P3H2: variants seen among roughly 807,000 people sequenced by gnomAD.
The protein encoded by P3H2 is leprecan-like 1.
P3H2 carries 80 observed loss-of-function variants against 87.0 expected under a neutral mutation model. The ratio of observed to expected loss-of-function variants is 0.92; its 90% CI spans 0.77 to 1.11. The LOEUF is 1.11. Ranked by LOEUF, P3H2 falls within the 50% of genes least tolerant of loss-of-function variation. The pLI is 0.00. For synonymous variants in P3H2, 367 were observed against 359.3 expected (o/e 1.02, Z -0.24); for missense variants, 1,001 against 923.9 (o/e 1.08, Z -1.08).
chr3:190,022,762 G>A (rs1423899804), intron 1 of P3H2, among the ~76,000 whole-genome samples: 1 of 152,114 alleles, frequency 6.6e-6, no homozygotes, highest in Non-Finnish European at 1.5e-5. Flanking sequence ...GGTCATAGGT[G>A]ACTGCTGGTC....
intron 13 of P3H2, among the ~76,000 whole-genome samples, chr3:189,967,174 C>T (rs1723030466): frequency 6.6e-6 from 1 of 151,924 alleles, no homozygotes; most frequent in African/African-American, 2.4e-5. Context: ...CCTAAAATGC[C>T]ACTGTATGCA....
chr3:189,981,816 T>C (rs1362626673), intron 8 of P3H2, among the ~76,000 whole-genome samples: 3 of 152,218 alleles, frequency 2.0e-5, no homozygotes, highest in Non-Finnish European at 4.4e-5. Flanking sequence ...AAAGGCAACA[T>C]GAACTCTGGC....
chr3:189,976,760 C>A (rs949589736), intron 8 of P3H2, among the ~76,000 whole-genome samples: 16 of 152,108 alleles, frequency 1.1e-4, no homozygotes, highest in African/African-American at 2.4e-4. Flanking sequence ...CCTTAGATAA[C>A]CCCTAATTGC....
chr3:190,117,306 C>A (rs866793837), intron 1 of P3H2, among the ~76,000 whole-genome samples: 2 of 152,200 alleles, frequency 1.3e-5, no homozygotes, highest in African/African-American at 2.4e-5. Flanking sequence ...CACACCAGCA[C>A]AAATAATCTG....
intron 1 of P3H2, among the ~76,000 whole-genome samples, chr3:190,077,777 T>C (rs1726917221): frequency 6.6e-6 from 1 of 152,198 alleles, no homozygotes; most frequent in African/African-American, 2.4e-5. Flanking sequence ...TAGGAAGAGA[T>C]GCAACTACGC....
intron 1 of P3H2, among the ~76,000 whole-genome samples, chr3:190,003,852 A>G (rs2108929582): frequency 6.6e-6 from 1 of 151,908 alleles, no homozygotes; most frequent in South Asian, 2.1e-4. Context: ...ATGGTTACCG[A>G]AAAGCAGTGT....
chr3:190,122,156 T>C (rs1712638653), upstream of P3H2: 1 of 150,686 alleles, frequency 6.6e-6, no homozygotes, highest in South Asian at 2.1e-4. Flanking sequence ...AGAGGGAAAT[T>C]CTTATTCTAA....
intron 8 of P3H2, among the ~76,000 whole-genome samples, chr3:189,982,647 C>T (rs1034733634): frequency 2.0e-5 from 3 of 152,132 alleles, no homozygotes; most frequent in Non-Finnish European, 4.4e-5. Context: ...TCTAATATCC[C>T]ATGTGGCTGG....
At chr3:189,989,142 G>T in intron 3 of P3H2, 104 bp from the exon 4 acceptor site, 1 of 1,354,528 alleles carries the variant, frequency 7.4e-7, no homozygotes. Context: ...TCACCACACT[G>T]GAAGACCAAA....
At chr3:190,093,105 A>G (rs185911595) in intron 1 of P3H2, among the ~76,000 whole-genome samples, 63 of 152,364 alleles carry the variant, frequency 4.1e-4, no homozygotes, top group Non-Finnish European at 2.2e-4. Flanking sequence ...TTTGAGAAGT[A>G]GAAATAATTC....
chr3:189,975,631 C>A (rs1472226777), intron 8 of P3H2, among the ~76,000 whole-genome samples: 3 of 152,192 alleles, frequency 2.0e-5, no homozygotes, highest in African/African-American at 4.8e-5. Context: ...CAACTCCCTG[C>A]CACCCCAGGT....
rs370522271 is a variant in P3H2, at chr3:189,964,018, G to T, written c.1974C>A (p.Thr658=). 1.1e-5 allele frequency: 18 copies of T among 1,614,008 alleles called. No individual in the cohort carries two copies. The highest frequency in any genetic ancestry group is 1.4e-5 in the Non-Finnish European group (17 of 1,180,000). The part of the protein sequence containing the change: ...GENPHGVKAV[T]KGKRCAVALW... The stretch of plus-strand genomic sequence containing the variant: ...GAGCCACAGCACACCTCTTTCCCTT[G>T]GTGACTGCCTTCACCCCATGAGGGT... The change falls in exon 14 of 15, where the codon ACC becomes ACA. Residue 658 remains threonine (T), a synonymous_variant. Coordinates refer to ENST00000319332, the MANE Select transcript of P3H2 (RefSeq NM_018192.4).
At chr3:190,108,754 C>T (rs572877081) in intron 1 of P3H2, among the ~76,000 whole-genome samples, 1 of 149,732 alleles carries the variant, frequency 6.7e-6, no homozygotes, top group Admixed American at 6.7e-5. Context: ...ATCTAAAAGG[C>T]CTCAGTATTT....
Position 190,014,211 on chromosome 3 carries a change from A to T in P3H2, c.481-18769T>A, listed in dbSNP as rs536652491. 2.4e-3 allele frequency among the ~76,000 whole-genome samples: 358 copies of T among 152,336 alleles called. 1 individual carries two copies. The highest frequency in any genetic ancestry group is 8.1e-3 in the South Asian group (39 of 4,816). On this transcript the variant is annotated intron_variant, in intron 1 of 14. Transcript: ENST00000319332. ...GCTTGTTGAACTAAAAGATTGAATG[A>T]AGGAATGAATAACTATTTCAAGTCT...
chr3:190,107,256 T>C (rs775523607), intron 1 of P3H2, among the ~76,000 whole-genome samples: 1 of 152,220 alleles, frequency 6.6e-6, no homozygotes, highest in African/African-American at 2.4e-5. Context: ...AGATGATAGA[T>C]GGATATACAT....
intron 1 of P3H2, among the ~76,000 whole-genome samples, chr3:190,013,066 A>G (rs913529276): frequency 4.6e-5 from 7 of 152,172 alleles, no homozygotes; most frequent in Non-Finnish European, 8.8e-5. Flanking sequence ...TCAAACACTG[A>G]CTGAGAGCCC....
intron 1 of P3H2, among the ~76,000 whole-genome samples, chr3:190,110,470 A>G (rs1712029013): frequency 6.6e-6 from 1 of 152,196 alleles, no homozygotes; most frequent in South Asian, 2.1e-4. Flanking sequence ...TGGTAATCCT[A>G]TAGAAACAAT....
At chr3:189,989,973 TC>T (rs1361083229) in intron 3 of P3H2, among the ~76,000 whole-genome samples, 2 of 152,222 alleles carry the variant, frequency 1.3e-5, no homozygotes, top group African/African-American at 2.4e-5. Context: ...CAAGAAAGAT[TC>T]ATTCATGGCT....
At position 189,990,799 on chromosome 3, in the gene P3H2, A is replaced by G. The variant is rs1215793770; in HGVS notation, c.824-1761T>C. 2.0e-5 allele frequency among the ~76,000 whole-genome samples: 3 copies of G among 152,354 alleles called. No homozygotes were observed. The East Asian group carries it at 5.8e-4, about 29-fold the overall frequency. On this transcript the variant is annotated intron_variant, in intron 3 of 14. Coordinates refer to ENST00000319332, the MANE Select transcript of P3H2 (RefSeq NM_018192.4). ...CCTTGCCTCCTTTCTATCTTAAATGACATTGTGCAATTAATATGTTTTTAA... is the reference window on the plus strand; with the variant it reads ...CCTTGCCTCCTTTCTATCTTAAATGGCATTGTGCAATTAATATGTTTTTAA...
Sources: allele counts gnomAD v4.1 joint callset (sites outside exome capture counted in the v4.1 genomes callset), GRCh38; gene constraint gnomAD v4.1.1; transcripts MANE v1.5; gene names NCBI Gene and HGNC (gene_info 2026-07-23, HGNC 2026-07-21).